Variants in STX10 observed in about 807,000 individuals in gnomAD.
The protein encoded by STX10 is syntaxin-10.
A neutral mutation model predicts 34.1 loss-of-function variants in STX10; 35 were observed. The observed-to-expected ratio is 1.03, with a 90% confidence interval of 0.78 to 1.36. The LOEUF is 1.36. Among genes scored for constraint, STX10 ranks in the 40% most tolerant of loss-of-function variants. The pLI is 0.00. For synonymous variants in STX10, 155 were observed against 132.9 expected (o/e 1.17, Z -1.15); for missense variants, 361 against 335.5 (o/e 1.08, Z -0.59).
Position 13,150,009 on chromosome 19 carries a change from C to T in STX10, c.36-112G>A, listed in dbSNP as rs2020023370. 5 of 1,393,688 alleles carry T rather than the reference C, an allele frequency of 3.6e-6. No homozygotes were observed. The highest frequency in any genetic ancestry group is 5.0e-6 in the Non-Finnish European group (5 of 1,008,884). The allele number at this position is 1,393,688 out of a possible 1,614,324, so 86.3% of individuals were successfully genotyped here. Reference sequence around the variant, plus strand: ...GGGACTCCGGAGACCCCTATATACCCCTGCGTGCGCCTCCCACTCTGCACC... The same window carrying T: ...GGGACTCCGGAGACCCCTATATACCTCTGCGTGCGCCTCCCACTCTGCACC... On this transcript the variant is annotated intron_variant, in intron 1 of 7. Transcript: ENST00000587230. The surrounding 1 kb of genome is among the most constrained non-coding windows in gnomAD (Gnocchi z 4.0).
At chr19:13,145,194 A>T (rs376812698) in intron 5 of STX10, 94 bp downstream of exon 5, 1 of 1,220,696 alleles carries the variant, frequency 8.2e-7, no homozygotes, top group Non-Finnish European at 1.2e-6. Context: ...GCGAAACTCC[A>T]TATCAACAAC....
intron 4 of STX10, among the ~76,000 whole-genome samples, chr19:13,145,870 A>G (rs527451641): frequency 1.3e-5 from 2 of 152,026 alleles, no homozygotes; most frequent in African/African-American, 4.8e-5. Context: ...CTAAAAATAC[A>G]AAAATTAGCC....
At chr19:13,149,122 G>A (rs2019982332) in intron 3 of STX10, 31 bp from the exon 4 acceptor site, 1 of 1,569,430 alleles carries the variant, frequency 6.4e-7, no homozygotes, top group Non-Finnish European at 8.7e-7. Context: ...AGGGAGGAAA[G>A]ACACTCAGGC....
intron 4 of STX10, among the ~76,000 whole-genome samples, chr19:13,147,061 G>C (rs1009236132): frequency 4.5e-5 from 6 of 133,680 alleles, no homozygotes; most frequent in South Asian, 2.4e-4. Context: ...TGACAGAGGT[G>C]GTTGGGAGAA....
intron 2 of STX10, 37 bp from the exon 3 acceptor site, chr19:13,149,630 T>C (rs767243545): frequency 1.9e-6 from 3 of 1,613,298 alleles, no homozygotes; most frequent in Non-Finnish European, 2.5e-6. Flanking sequence ...CGGAGCCAGA[T>C]ATCATCCCCG....
chr19:13,145,297 G>T lies in STX10; in HGVS notation c.462C>A (p.Ala154=). The T allele has an allele frequency of 6.2e-7, 1 of 1,610,810 alleles. No homozygotes were observed. ...ATSRYIEEQQ[A]TQQLIMDEQD... The stretch of plus-strand genomic sequence containing the variant: ...CCGCTGGCCCCAAAACCTGCTGTGT[G>T]GCCTGCTGCTCCTCGATGTAGCGAG... Residue 154 remains alanine (A), a synonymous_variant, in exon 5 of 8, where the codon GCC becomes GCA. Transcript: ENST00000587230.
intron 2 of STX10, 57 bp from the exon 3 acceptor site, chr19:13,149,650 G>A (rs2020005097): frequency 6.2e-7 from 1 of 1,610,368 alleles, no homozygotes; most frequent in Non-Finnish European, 8.5e-7. Flanking sequence ...GTCCCTAGGG[G>A]TCCAGCCCTA....
chr19:13,150,322 G>C lies in STX10; in HGVS notation c.-149C>G, dbSNP rs2020035974. Reference sequence around the variant, plus strand: ...CGCCAGGGGAGAAAGAGAAGCCTCGGAGGCCCGACGTGCGGACACTTCCGC... The same window carrying C: ...CGCCAGGGGAGAAAGAGAAGCCTCGCAGGCCCGACGTGCGGACACTTCCGC... On this transcript the variant is annotated 5_prime_UTR_variant, in exon 1 of 8. Coordinates refer to ENST00000587230, the MANE Select transcript of STX10 (RefSeq NM_003765.3). The surrounding 1 kb of genome is among the most constrained non-coding windows in gnomAD (Gnocchi z 4.0). 3.3e-6 allele frequency: 2 copies of C among 609,016 alleles called. No individual in the cohort carries two copies. Among genetic ancestry groups the C allele is most frequent in the Non-Finnish European group, 5.9e-6 (2 of 337,506 alleles). The allele number at this position is 609,016 out of a possible 1,614,324, so 37.7% of individuals were successfully genotyped here.
At chr19:13,146,902 C>A (rs192400849) in intron 4 of STX10, among the ~76,000 whole-genome samples, 592 of 152,130 alleles carry the variant, frequency 3.9e-3, no homozygotes, top group Non-Finnish European at 5.5e-3. Flanking sequence ...CTGGAAGGCA[C>A]GTGGGCACTG....
Position 13,150,092 on chromosome 19 carries a change from G to T in STX10, c.35+47C>A. On this transcript the variant is annotated intron_variant, in intron 1 of 7. Coordinates refer to ENST00000587230, the MANE Select transcript of STX10 (RefSeq NM_003765.3). This position sits in a 1 kb window ranked among gnomAD's most constrained non-coding sequence, Gnocchi z 4.0. Reference sequence around the variant, plus strand: ...GGGGCCGGCACCCGGGCACTGGCTGGCTTGGGTACAGAGCACCCTCCGCCC... The same window carrying T: ...GGGGCCGGCACCCGGGCACTGGCTGTCTTGGGTACAGAGCACCCTCCGCCC... The T allele has an allele frequency of 2.7e-6, 3 of 1,122,606 alleles. No homozygotes were observed. Among genetic ancestry groups the T allele is most frequent in the Non-Finnish European group, 4.0e-6 (3 of 751,936 alleles). 69.5% of individuals were successfully genotyped at this position (1,122,606 alleles called of 1,614,324 possible). A position where few individuals can be genotyped will look rare whatever the true frequency, so the allele number is the denominator to read the frequency against.
rs746578550 is a variant in STX10 at position 13,144,379 on chromosome 19, T to G, written c.*31A>C. The G allele has an allele frequency of 2.5e-6, 4 of 1,594,326 alleles. No homozygotes were observed. The South Asian group carries it at 4.6e-5, about 18-fold the overall frequency. On this transcript the variant is annotated 3_prime_UTR_variant, in exon 8 of 8. Transcript: ENST00000587230. ...AAAGTGCTTGGTGGCTCCCCAGGCT[T>G]AAGGGACCAGCCTGCCAGGGAGGGC... is the stretch of plus-strand genomic sequence containing the variant.
chr19:13,144,485 GTC>G lies in STX10; in HGVS notation c.674-1_674del. 6.2e-7 allele frequency: 1 copy of G among 1,613,676 alleles called. No homozygotes were observed. The highest frequency in any genetic ancestry group is 1.1e-5 in the South Asian group (1 of 90,968). ...CGGCGATGGCACACCACTGTCGGCGGTCTGGGAACGAGAAGGTCAGGGGTCAC... is the reference window on the plus strand; with the variant it reads ...CGGCGATGGCACACCACTGTCGGCGGTGGGAACGAGAAGGTCAGGGGTCAC... On this transcript the variant is annotated splice_acceptor_variant and coding_sequence_variant, in exon 8 of 8. Coordinates refer to ENST00000587230, the MANE Select transcript of STX10 (RefSeq NM_003765.3). LOFTEE classifies it high-confidence loss of function.
At chr19:13,147,455 A>G (rs2019926647) in intron 4 of STX10, among the ~76,000 whole-genome samples, 1 of 149,646 alleles carries the variant, frequency 6.7e-6, no homozygotes, top group South Asian at 2.1e-4. Context: ...ACATGCCAAG[A>G]CTCCATCTCA....
chr19:13,149,113 G>T, intron 3 of STX10, 22 bp from the exon 4 acceptor site: 1 of 1,579,216 alleles, frequency 6.3e-7, no homozygotes, highest in South Asian at 1.2e-5. Context: ...GACAGCATTA[G>T]GGAGGAAAGA....
In STX10 at chr19:13,150,321, G is replaced by A; in HGVS notation, c.-148C>T. On this transcript the variant is annotated 5_prime_UTR_variant, in exon 1 of 8. Transcript: ENST00000587230. This position sits in a 1 kb window ranked among gnomAD's most constrained non-coding sequence, Gnocchi z 4.0. ...CCGCCAGGGGAGAAAGAGAAGCCTC[G>A]GAGGCCCGACGTGCGGACACTTCCG... The A allele has an allele frequency of 3.3e-6, 2 of 610,692 alleles. No individual in the cohort carries two copies. Among genetic ancestry groups the A allele is most frequent in the Non-Finnish European group, 5.9e-6 (2 of 338,030 alleles). The allele number at this position is 610,692 out of a possible 1,614,324, so 37.8% of individuals were successfully genotyped here.
In STX10 at chr19:13,150,353, C is replaced by T. The variant is rs554646794; in HGVS notation, c.-180G>A. Reference sequence around the variant, plus strand: ...CGACGTGCGGACACTTCCGCCCTCTCCTCAGCCATCTTGGTTGTGGGCAGA... The same window carrying T: ...CGACGTGCGGACACTTCCGCCCTCTTCTCAGCCATCTTGGTTGTGGGCAGA... On this transcript the variant is annotated 5_prime_UTR_variant, in exon 1 of 8. Coordinates refer to ENST00000587230, the MANE Select transcript of STX10 (RefSeq NM_003765.3). This position sits in a 1 kb window ranked among gnomAD's most constrained non-coding sequence, Gnocchi z 4.0. The T allele has an allele frequency of 1.7e-6, 1 of 580,218 alleles. No individual in the cohort carries two copies. The highest frequency in any genetic ancestry group is 1.9e-5 in the African/African-American group (1 of 51,702). The allele number at this position is 580,218 out of a possible 1,614,324, so 35.9% of individuals were successfully genotyped here.
In STX10 at chr19:13,149,601, G is replaced by C. The variant is rs759962549; in HGVS notation, c.206-8C>G. 3 of 1,614,028 alleles carry C rather than the reference G, an allele frequency of 1.9e-6. No individual in the cohort carries two copies. In the South Asian group the frequency reaches 3.3e-5, roughly 18 times the overall value. ...GGTTGGCTTCCACTATACGTGGGCT[G>C]AGAGTCAAGGGTCAAGGCCGGAGCC... On this transcript the variant is annotated splice_polypyrimidine_tract_variant and splice_region_variant and intron_variant, in intron 2 of 7. Transcript: ENST00000587230.
intron 5 of STX10, 45 bp from the exon 6 acceptor site, chr19:13,144,915 A>C (rs747575411): frequency 6.5e-7 from 1 of 1,547,718 alleles, no homozygotes; most frequent in South Asian, 1.2e-5. Context: ...ACGACCCCAG[A>C]AGGCCAGGCG....
At chr19:13,144,735 C>G in intron 6 of STX10, 29 bp downstream of exon 6, 1 of 1,612,996 alleles carries the variant, frequency 6.2e-7, no homozygotes, top group Middle Eastern at 1.6e-4. Flanking sequence ...CCGAGAGCCC[C>G]TGGCCCACCC....
Sources: gnomAD v4.1 joint callset for allele counts (sites outside exome capture counted in the v4.1 genomes callset) on GRCh38, gnomAD v4.1.1 for gene constraint, Gnocchi (gnomAD v3.1) non-coding constraint, MANE v1.5 for transcripts, NCBI Gene and HGNC (gene_info 2026-07-23, HGNC 2026-07-21) for gene names.